The following NLRP2 variants were observed in gnomAD, a reference collection of about 807,000 sequenced individuals.
The protein encoded by NLRP2 is NLR family pyrin domain containing 2.
NLRP2 carries 107 observed loss-of-function variants against 97.2 expected under a neutral mutation model. The ratio of observed to expected loss-of-function variants is 1.10; its 90% CI spans 0.94 to 1.29. The LOEUF (loss-of-function observed/expected upper bound fraction) is 1.29, where lower values mean the gene tolerates loss of function less well. Among genes scored for constraint, NLRP2 ranks in the 50% most tolerant of loss-of-function variants. The pLI, the probability that NLRP2 is intolerant of heterozygous loss-of-function variation, is 0.00. For missense variants in NLRP2, 1,495 were observed against 1,330.3 expected, an observed-to-expected ratio of 1.12 and a Z score of -1.93; for synonymous variants, 663 against 551.5, an observed-to-expected ratio of 1.20 and a Z score of -2.83.
At position 54,975,315 on chromosome 19, in the gene NLRP2, T is replaced by C. The variant is rs1396004535; in HGVS notation, c.325+771T>C. ...TTTTTCACTTTTTGTAGAGACAGGGTCTTGCTATGTTGCCCAGGCTGGCCT... is the reference window on the plus strand; with the variant it reads ...TTTTTCACTTTTTGTAGAGACAGGGCCTTGCTATGTTGCCCAGGCTGGCCT... On this transcript the variant is annotated intron_variant, in intron 3 of 12. Transcript: ENST00000448584. 4.4e-5 allele frequency among the ~76,000 whole-genome samples: 6 copies of C among 135,240 alleles called. No homozygotes were observed. The East Asian group carries it at 1.3e-3, about 29-fold the overall frequency. 88.7% of individuals were successfully genotyped at this position (135,240 alleles called of 152,430 possible).
intron 8 of NLRP2, among the ~76,000 whole-genome samples, chr19:54,987,074 G>A (rs1376876754): frequency 2.6e-5 from 4 of 151,116 alleles, no homozygotes; most frequent in South Asian, 4.2e-4. Flanking sequence ...TAGTAGAGAT[G>A]GAGTTTTACC....
At chr19:54,984,398 C>G (rs567001807) in intron 6 of NLRP2, among the ~76,000 whole-genome samples, 2 of 139,834 alleles carry the variant, frequency 1.4e-5, no homozygotes, top group African/African-American at 5.5e-5. Flanking sequence ...TCTTGAACTC[C>G]CAAAGCACTG....
In NLRP2 at chr19:54,977,735, C is replaced by CA; in HGVS notation, c.326-17_326-16insA. 1.2e-6 allele frequency: 2 copies of CA among 1,613,472 alleles called. No individual in the cohort carries two copies. The highest frequency in any genetic ancestry group is 1.7e-6 in the Non-Finnish European group (2 of 1,179,866). On this transcript the variant is annotated splice_polypyrimidine_tract_variant and intron_variant, in intron 3 of 12. Transcript: ENST00000448584. ...CCAGCACAGCAACAGGCCTGTAATG[C>CA]CGCCCTTTTTCTCCAGGGATAACAC...
intron 11 of NLRP2, among the ~76,000 whole-genome samples, chr19:54,996,458 A>G (rs2072829849): frequency 6.6e-6 from 1 of 152,104 alleles, no homozygotes; most frequent in African/African-American, 2.4e-5. Context: ...AGCCGAGATC[A>G]TGCCACAGCA....
At position 54,999,023 on chromosome 19, in the gene NLRP2, C is replaced by T. The variant is rs180990977; in HGVS notation, c.3050+1536C>T. On this transcript the variant is annotated intron_variant, in intron 12 of 12. Transcript: ENST00000448584. ...ACAGAACAAAATGGGGGGCTGACCC[C>T]CCCACCTCCCTCCCGGACAGGGCGG... 9.0e-3 allele frequency among the ~76,000 whole-genome samples: 1,358 copies of T among 151,360 alleles called. 15 individuals carry two copies. The highest frequency in any genetic ancestry group is 0.015 in the South Asian group (72 of 4,788).
chr19:54,975,691 A>G (rs2071186333), intron 3 of NLRP2, among the ~76,000 whole-genome samples: 1 of 151,796 alleles, frequency 6.6e-6, no homozygotes, highest in African/African-American at 2.4e-5. Context: ...TGACCTTGTG[A>G]TCCGCCCGCC....
chr19:54,991,669 G>A (rs977515008), intron 10 of NLRP2: 1 of 152,068 alleles, frequency 6.6e-6, no homozygotes, highest in African/African-American at 2.4e-5. Context: ...AGGAGTTTGA[G>A]ACCAGCCTGG....
At chr19:54,974,255 G>C (rs2071055616) in intron 2 of NLRP2, 1 of 591,264 alleles carries the variant, frequency 1.7e-6, no homozygotes, top group South Asian at 1.9e-5. Flanking sequence ...TCAGGAAGCT[G>C]AGGCAGGAGA....
chr19:54,983,103 G>A lies in NLRP2; in HGVS notation c.1405G>A (p.Asp469Asn). 1 of 1,613,582 alleles carries A rather than the reference G, an allele frequency of 6.2e-7. No homozygotes were observed. Among genetic ancestry groups the A allele is most frequent in the Non-Finnish European group, 8.5e-7 (1 of 1,179,984 alleles). Residue 469 changes from aspartate to asparagine, a missense_variant, in exon 6 of 13, where the codon GAT becomes AAT. Physicochemically the swap from Asp to Asn is conservative, Grantham distance 23 (BLOSUM62 1). Coordinates refer to ENST00000448584, the MANE Select transcript of NLRP2 (RefSeq NM_017852.5). ...WAQTSVLHRE[D>N]LERLGVQESD... ...GCAGACGTCCGTGCTTCACCGAGAG[G>A]ATCTGGAAAGGCTCGGGGTGCAGGA...
intron 7 of NLRP2, among the ~76,000 whole-genome samples, 184 bp downstream of exon 7, chr19:54,985,401 G>A (rs2071989698): frequency 6.6e-6 from 1 of 152,100 alleles, no homozygotes; most frequent in South Asian, 2.1e-4. Context: ...CTAGGGGCTG[G>A]GCATGGTGGT....
intron 12 of NLRP2, 33 bp from the exon 13 acceptor site, chr19:55,000,727 A>G (rs374932089): frequency 1.9e-6 from 3 of 1,611,782 alleles, no homozygotes; most frequent in Non-Finnish European, 1.7e-6. Flanking sequence ...CTTGATGCAC[A>G]AAGTAACCTT....
chr19:54,999,497 C>A lies in NLRP2; in HGVS notation c.3051-1263C>A, dbSNP rs369171118. On this transcript the variant is annotated intron_variant, in intron 12 of 12. Transcript: ENST00000448584. ...TCCGGGGTCCACTGAGTAGAAGTTG[C>A]CAAAGTGGGTGATAGAGCGGGTAAG... Among the ~76,000 whole-genome samples the A allele has an allele frequency of 1.6e-4, 24 of 152,174 alleles. No homozygotes were observed. In the South Asian group the frequency reaches 4.8e-3, roughly 30 times the overall value.
At chr19:54,984,877 C>T (rs968275003) in intron 6 of NLRP2, among the ~76,000 whole-genome samples, 170 bp from the exon 7 acceptor site, 2 of 152,078 alleles carry the variant, frequency 1.3e-5, no homozygotes, top group African/African-American at 4.8e-5. Context: ...GTTCTTTCTC[C>T]TGTGATGCTT....
chr19:54,991,929 T>C (rs1383572960), intron 10 of NLRP2, among the ~76,000 whole-genome samples: 1 of 150,502 alleles, frequency 6.6e-6, no homozygotes, highest in East Asian at 2.1e-4. Flanking sequence ...CTGGTATTTT[T>C]TTTTTTTTTT....
rs766281794 is a variant in NLRP2, at chr19:54,982,631, G to A, written c.933G>A (p.Lys311=). Residue 311 remains lysine (K), a synonymous_variant, in exon 6 of 13, where the codon AAG becomes AAA. Coordinates refer to ENST00000448584, the MANE Select transcript of NLRP2 (RefSeq NM_017852.5). ...IEDICGDWEK[K]KPVPVLLGSL... ...ACATCTGCGGGGACTGGGAGAAGAA[G>A]AAGCCGGTGCCCGTCCTCCTGGGGA... is the stretch of plus-strand genomic sequence containing the variant. The A allele has an allele frequency of 9.3e-6, 15 of 1,614,070 alleles. No individual in the cohort carries two copies. Among genetic ancestry groups the A allele is most frequent in the Middle Eastern group, 3.3e-4 (2 of 6,084 alleles).
At position 54,977,733 on chromosome 19, in the gene NLRP2, T is replaced by C; in HGVS notation, c.326-19T>C. ...TGCCAGCACAGCAACAGGCCTGTAA[T>C]GCCGCCCTTTTTCTCCAGGGATAAC... On this transcript the variant is annotated intron_variant, in intron 3 of 12. Transcript: ENST00000448584. The C allele has an allele frequency of 6.2e-7, 1 of 1,613,576 alleles. No individual in the cohort carries two copies. Among genetic ancestry groups the C allele is most frequent in the Non-Finnish European group, 8.5e-7 (1 of 1,179,910 alleles).
intron 6 of NLRP2, among the ~76,000 whole-genome samples, chr19:54,984,333 T>G (rs1238386886): frequency 0.033 from 3,386 of 101,590 alleles, 143 homozygotes; most frequent in Non-Finnish European, 0.04. Flanking sequence ...TTTTGTGTTT[T>G]TTTTTTTTTT....
chr19:54,998,903 A>G (rs1448763028), intron 12 of NLRP2, among the ~76,000 whole-genome samples: 1 of 150,696 alleles, frequency 6.6e-6, no homozygotes, highest in Non-Finnish European at 1.5e-5. Context: ...AATCCGTTTA[A>G]CTCTGAGTGG....
At chr19:54,993,963 A>G in intron 10 of NLRP2, 2 of 484,244 alleles carry the variant, frequency 4.1e-6, no homozygotes. Flanking sequence ...GCTGGCTTTG[A>G]CTCTCAGCTC....
Sources: gnomAD v4.1 joint callset for allele counts (sites outside exome capture counted in the v4.1 genomes callset) on GRCh38, gnomAD v4.1.1 for gene constraint, MANE v1.5 for transcripts, NCBI Gene and HGNC (gene_info 2026-07-23, HGNC 2026-07-21) for gene names.